The following ADAMTS12 variants were observed in gnomAD, a reference collection of about 807,000 sequenced individuals.
ADAMTS12 encodes the protein A disintegrin and metalloproteinase with thrombospondin motifs 12.
A neutral mutation model predicts 167.8 loss-of-function variants in ADAMTS12; 118 were observed. That is an observed-to-expected ratio of 0.70 (90% CI 0.61 to 0.82). The LOEUF is 0.82. Ranked by LOEUF, ADAMTS12 falls within the 40% of genes least tolerant of loss-of-function variation. The pLI is 0.00. For synonymous variants in ADAMTS12, 704 were observed against 716.9 expected (o/e 0.98, Z 0.29); for missense variants, 1,916 against 1,998.8 (o/e 0.96, Z 0.79).
At chr5:33,765,461 C>A (rs1317259247) in intron 2 of ADAMTS12, among the ~76,000 whole-genome samples, 30 of 152,220 alleles carry the variant, frequency 2.0e-4, no homozygotes, top group Admixed American at 5.2e-4. Flanking sequence ...TAACACTTTG[C>A]ATCTGGATAC....
At chr5:33,884,400 C>T (rs927820389) in intron 1 of ADAMTS12, among the ~76,000 whole-genome samples, 3 of 152,200 alleles carry the variant, frequency 2.0e-5, no homozygotes, top group Non-Finnish European at 2.9e-5. Flanking sequence ...GAAAATCAGG[C>T]CACTCCTGGC....
rs190170655 is a variant in ADAMTS12, at chr5:33,725,660, A to C, written c.634+25744T>G. On this transcript the variant is annotated intron_variant, in intron 3 of 23. Transcript: ENST00000504830. ...AAAGCCTGCAAGGAAACAGGCACACAGCCGCAGCTGGGAATGGCCTTGCCA... is the reference window on the plus strand; with the variant it reads ...AAAGCCTGCAAGGAAACAGGCACACCGCCGCAGCTGGGAATGGCCTTGCCA... Among the ~76,000 whole-genome samples the C allele has an allele frequency of 3.9e-5, 6 of 152,368 alleles. No homozygotes were observed. In the East Asian group the frequency reaches 1.2e-3, roughly 29 times the overall value.
chr5:33,672,631 G>A (rs75501264), intron 5 of ADAMTS12, among the ~76,000 whole-genome samples: 1,916 of 152,280 alleles, frequency 0.013, 40 homozygotes, highest in African/African-American at 0.043. Context: ...TCACCAGTTT[G>A]AAAATCTTAC....
chr5:33,855,507 G>A (rs1244291528), intron 2 of ADAMTS12, among the ~76,000 whole-genome samples: 2 of 152,198 alleles, frequency 1.3e-5, no homozygotes, highest in African/African-American at 4.8e-5. Context: ...TTTTGGAGCA[G>A]ACATTCTATT....
chr5:33,530,103 T>G (rs893371469), intron 23 of ADAMTS12, among the ~76,000 whole-genome samples: 3 of 151,658 alleles, frequency 2.0e-5, no homozygotes, highest in Non-Finnish European at 4.4e-5. Flanking sequence ...TTTTTGTATA[T>G]TTAGTAGAGA....
chr5:33,572,584 T>C (rs1348288846), intron 19 of ADAMTS12, among the ~76,000 whole-genome samples: 8 of 138,292 alleles, frequency 5.8e-5, no homozygotes, highest in African/African-American at 1.4e-4. Context: ...AATTAGGTAT[T>C]GATGGGACGT....
At chr5:33,666,112 T>C (rs887091617) in intron 5 of ADAMTS12, among the ~76,000 whole-genome samples, 2 of 152,224 alleles carry the variant, frequency 1.3e-5, no homozygotes, top group Non-Finnish European at 2.9e-5. Context: ...CTGTGGAGTA[T>C]ACTTTCATTT....
At chr5:33,539,198 T>A (rs1744564450) in intron 22 of ADAMTS12, among the ~76,000 whole-genome samples, 1 of 152,214 alleles carries the variant, frequency 6.6e-6, no homozygotes, top group South Asian at 2.1e-4. Context: ...TGCTTCGGCC[T>A]CCCAAAGTGC....
intron 2 of ADAMTS12, among the ~76,000 whole-genome samples, chr5:33,835,907 A>ATCTTCTCTCTCTCTCTCTCTCTCTCTC (rs1748488492): frequency 8.9e-6 from 1 of 111,798 alleles, no homozygotes; most frequent in African/African-American, 4.4e-5. Flanking sequence ...GATAATATCC[A>ATCTTCTCTCTCTCTCTCTCTCTCTCTC]TCTCTCTCTC....
chr5:33,863,282 A>G (rs908504106), intron 2 of ADAMTS12, among the ~76,000 whole-genome samples: 4 of 152,218 alleles, frequency 2.6e-5, no homozygotes, highest in African/African-American at 9.6e-5. Flanking sequence ...ATGATTGTAT[A>G]TTTAGAAAAC....
intron 2 of ADAMTS12, among the ~76,000 whole-genome samples, chr5:33,765,810 G>C (rs1745511194): frequency 6.6e-6 from 1 of 151,834 alleles, no homozygotes; most frequent in Admixed American, 6.6e-5. Flanking sequence ...TTAAAAATTT[G>C]CCACTGGTTA....
At chr5:33,844,405 G>A (rs763232591) in intron 2 of ADAMTS12, among the ~76,000 whole-genome samples, 79 of 152,166 alleles carry the variant, frequency 5.2e-4, no homozygotes, top group Non-Finnish European at 1.0e-3. Context: ...CTGAGAAAGA[G>A]AATGCGCCCC....
chr5:33,844,176 T>A (rs1032964355), intron 2 of ADAMTS12, among the ~76,000 whole-genome samples: 2 of 152,174 alleles, frequency 1.3e-5, no homozygotes, highest in Non-Finnish European at 2.9e-5. Flanking sequence ...CCTGTGATGA[T>A]TGCATTAACT....
intron 5 of ADAMTS12, among the ~76,000 whole-genome samples, chr5:33,680,492 C>T (rs1487456364): frequency 7.7e-6 from 1 of 129,644 alleles, no homozygotes; most frequent in African/African-American, 3.0e-5. Context: ...CTTCTTATTC[C>T]CAGAAGTAGC....
chr5:33,703,006 A>G (rs2112301074), intron 3 of ADAMTS12, among the ~76,000 whole-genome samples: 1 of 152,288 alleles, frequency 6.6e-6, no homozygotes, highest in Middle Eastern at 3.4e-3. Flanking sequence ...CACCTTGATG[A>G]TACCCCACTC....
intron 20 of ADAMTS12, among the ~76,000 whole-genome samples, chr5:33,559,602 TG>T (rs1355787838): frequency 6.6e-6 from 1 of 152,192 alleles, no homozygotes; most frequent in Non-Finnish European, 1.5e-5. Context: ...TCAGTATGGC[TG>T]GGTGTGGTGG....
intron 2 of ADAMTS12, among the ~76,000 whole-genome samples, chr5:33,830,827 A>G (rs902657379): frequency 6.6e-6 from 1 of 152,142 alleles, no homozygotes; most frequent in Non-Finnish European, 1.5e-5. Flanking sequence ...GCTTCCACTT[A>G]TATCAGTATA....
chr5:33,575,056 A>G (rs919419820), intron 19 of ADAMTS12, among the ~76,000 whole-genome samples: 2 of 152,168 alleles, frequency 1.3e-5, no homozygotes, highest in Non-Finnish European at 2.9e-5. Context: ...GAAAAGACAA[A>G]TACCTAGCCA....
chr5:33,720,236 T>C (rs528109912), intron 3 of ADAMTS12, among the ~76,000 whole-genome samples: 46 of 151,724 alleles, frequency 3.0e-4, no homozygotes, highest in African/African-American at 1.0e-3. Flanking sequence ...TTAAGTTTTT[T>C]GAATAAAATG....
Sources: allele counts gnomAD v4.1 joint callset (sites outside exome capture counted in the v4.1 genomes callset), GRCh38; gene constraint gnomAD v4.1.1; transcripts MANE v1.5; gene names NCBI Gene and HGNC (gene_info 2026-07-23, HGNC 2026-07-21).